NCKAP5: variants seen among roughly 807,000 people sequenced by gnomAD.
The protein encoded by NCKAP5 is NCK associated protein 5, also known as nck-associated protein 5.
A neutral mutation model predicts 167.0 loss-of-function variants in NCKAP5; 92 were observed. The ratio of observed to expected loss-of-function variants is 0.55; its 90% CI spans 0.47 to 0.66. The LOEUF is 0.66. NCKAP5 is among the 30% of genes least tolerant of loss of function. The pLI, the probability that NCKAP5 is intolerant of heterozygous loss-of-function variation, is 0.00. For synonymous variants in NCKAP5, 891 were observed against 877.4 expected, an observed-to-expected ratio of 1.02 and a Z score of -0.27; for missense variants, 2,378 against 2,315.0, an observed-to-expected ratio of 1.03 and a Z score of -0.56.
chr2:133,436,782 A>T (rs940952295), intron 3 of NCKAP5, among the ~76,000 whole-genome samples: 1 of 152,106 alleles, frequency 6.6e-6, no homozygotes, highest in Non-Finnish European at 1.5e-5. Context: ...TATATGTATG[A>T]TACATCACGT....
chr2:133,279,818 A>G (rs934663885), intron 4 of NCKAP5, among the ~76,000 whole-genome samples: 1 of 152,220 alleles, frequency 6.6e-6, no homozygotes, highest in Non-Finnish European at 1.5e-5. Context: ...AACAAAACAA[A>G]TAAATACACA....
At chr2:132,742,308 CAT>C (rs535692845) in intron 16 of NCKAP5, among the ~76,000 whole-genome samples, 37 of 152,048 alleles carry the variant, frequency 2.4e-4, no homozygotes, top group Admixed American at 1.3e-3. Context: ...TGATAAGACA[CAT>C]GAGGGAAGAG....
At chr2:132,852,454 A>G (rs1410511323) in intron 11 of NCKAP5, among the ~76,000 whole-genome samples, 3 of 152,174 alleles carry the variant, frequency 2.0e-5, no homozygotes, top group Non-Finnish European at 2.9e-5. Flanking sequence ...GTTTAACTAT[A>G]TCCTTCTTCA....
At chr2:132,956,980 C>A (rs567417437) in intron 8 of NCKAP5, among the ~76,000 whole-genome samples, 1 of 152,140 alleles carries the variant, frequency 6.6e-6, no homozygotes. Flanking sequence ...CTGTCCTCTG[C>A]CCTCTTCTTG....
At chr2:132,747,340 G>A (rs532898380) in intron 16 of NCKAP5, among the ~76,000 whole-genome samples, 1 of 152,228 alleles carries the variant, frequency 6.6e-6, no homozygotes, top group East Asian at 1.9e-4. Flanking sequence ...AATCACCAGG[G>A]AACAAGACTG....
chr2:133,601,669 G>T, the NCKAP5 span, among the ~76,000 whole-genome samples: 6 of 152,186 alleles, frequency 3.9e-5, no homozygotes, highest in African/African-American at 1.4e-4. Flanking sequence ...GGAGGCGGAG[G>T]TTGCAGTGAG....
At chr2:133,520,690 A>G (rs1246093218) in intron 2 of NCKAP5, among the ~76,000 whole-genome samples, 2 of 152,210 alleles carry the variant, frequency 1.3e-5, no homozygotes, top group East Asian at 3.9e-4. Context: ...TCCTTTTGAT[A>G]GTTCTCAAAT....
intron 11 of NCKAP5, among the ~76,000 whole-genome samples, chr2:132,849,721 C>T (rs1688933835): frequency 6.6e-6 from 1 of 152,186 alleles, no homozygotes; most frequent in Admixed American, 6.5e-5. Context: ...GAATCTCAGC[C>T]TGCGTGGATC....
intron 6 of NCKAP5, among the ~76,000 whole-genome samples, chr2:133,008,185 T>C (rs1484770964): frequency 1.3e-5 from 2 of 152,032 alleles, no homozygotes; most frequent in African/African-American, 4.8e-5. Context: ...CATTGGGTGT[T>C]ACTTTTTTCC....
intron 19 of NCKAP5, among the ~76,000 whole-genome samples, chr2:132,675,231 T>C (rs1044226466): frequency 2.6e-5 from 4 of 152,220 alleles, no homozygotes; most frequent in South Asian, 2.1e-4. Flanking sequence ...AGGGTGATCA[T>C]TGAGGCCCTG....
At position 132,811,494 on chromosome 2, in the gene NCKAP5, C is replaced by A. The variant is rs1487501682; in HGVS notation, c.808-14765G>T. 2.6e-5 allele frequency among the ~76,000 whole-genome samples: 4 copies of A among 152,164 alleles called. No homozygotes were observed. In the East Asian group the frequency reaches 7.7e-4, roughly 29 times the overall value. ...ATTCCCAGGTCACTGGAGTTGTGTGCCTAGGCTTAGTCATGCAGGTTGTCA... is the reference window on the plus strand; with the variant it reads ...ATTCCCAGGTCACTGGAGTTGTGTGACTAGGCTTAGTCATGCAGGTTGTCA... On this transcript the variant is annotated intron_variant, in intron 11 of 19. Coordinates refer to ENST00000409261, the MANE Select transcript of NCKAP5 (RefSeq NM_207363.3).
At chr2:133,238,511 G>T (rs567184006) in intron 4 of NCKAP5, among the ~76,000 whole-genome samples, 3 of 152,284 alleles carry the variant, frequency 2.0e-5, no homozygotes, top group African/African-American at 7.2e-5. Flanking sequence ...TTAAAAAGAA[G>T]ACACAGGCAC....
At chr2:133,361,057 G>A (rs1439824387) in intron 3 of NCKAP5, among the ~76,000 whole-genome samples, 4 of 151,704 alleles carry the variant, frequency 2.6e-5, no homozygotes, top group African/African-American at 9.7e-5. Context: ...ATCTTACTGA[G>A]GTCTTTAGAG....
At chr2:133,046,746 T>A (rs1381844649) in intron 6 of NCKAP5, among the ~76,000 whole-genome samples, 1 of 151,820 alleles carries the variant, frequency 6.6e-6, no homozygotes, top group Non-Finnish European at 1.5e-5. Context: ...AAAAACCATA[T>A]AAGGCAATAG....
chr2:132,757,512 C>T (rs1218862360), intron 16 of NCKAP5, among the ~76,000 whole-genome samples: 1 of 152,238 alleles, frequency 6.6e-6, no homozygotes, highest in African/African-American at 2.4e-5. Flanking sequence ...CAAGAACACC[C>T]TGTTCTCAAG....
At chr2:133,012,049 G>A (rs1333261448) in intron 6 of NCKAP5, among the ~76,000 whole-genome samples, 1 of 152,008 alleles carries the variant, frequency 6.6e-6, no homozygotes, top group African/African-American at 2.4e-5. Context: ...TTATCAGATG[G>A]CAAGCAAGTA....
rs533754711 is a variant in NCKAP5 at position 132,773,347 on chromosome 2, G to A, written c.5128+469C>T. ...GCTGACAAGCTGAACTTATTTCAGA[G>A]ACAGGACTATCTATATTCTGAGTTT... On this transcript the variant is annotated intron_variant, in intron 16 of 19. Coordinates refer to ENST00000409261, the MANE Select transcript of NCKAP5 (RefSeq NM_207363.3). 5.1e-4 allele frequency among the ~76,000 whole-genome samples: 78 copies of A among 152,324 alleles called. 2 individuals are homozygous for A. The South Asian group carries it at 0.01, about 20-fold the overall frequency.
At chr2:132,743,858 G>C (rs781565047) in intron 16 of NCKAP5, among the ~76,000 whole-genome samples, 1 of 151,380 alleles carries the variant, frequency 6.6e-6, no homozygotes, top group Non-Finnish European at 1.5e-5. Context: ...AAAATATATA[G>C]CATGCAAACT....
intron 8 of NCKAP5, among the ~76,000 whole-genome samples, chr2:132,938,205 C>G (rs1439057728): frequency 6.6e-6 from 1 of 152,124 alleles, no homozygotes; most frequent in African/African-American, 2.4e-5. Context: ...AAATATCTCC[C>G]CTCTATTGGC....
Sources: gnomAD v4.1 joint callset for allele counts (sites outside exome capture counted in the v4.1 genomes callset) on GRCh38, gnomAD v4.1.1 for gene constraint, MANE v1.5 for transcripts, NCBI Gene and HGNC (gene_info 2026-07-23, HGNC 2026-07-21) for gene names.